The following TASP1 variants were observed in gnomAD, a reference collection of about 807,000 sequenced individuals.
The protein encoded by TASP1 is taspase 1, also known as threonine aspartase 1.
In TASP1, 16 loss-of-function variants were observed where a neutral mutation model predicts 56.6. That is an observed-to-expected ratio of 0.28 (90% CI 0.19 to 0.43). The LOEUF is 0.43. TASP1 is among the 20% of genes least tolerant of loss of function. The pLI, the probability that TASP1 is intolerant of heterozygous loss-of-function variation, is 1.00. For synonymous variants in TASP1, 179 were observed against 184.2 expected, an observed-to-expected ratio of 0.97 and a Z score of 0.23; for missense variants, 393 against 511.6, an observed-to-expected ratio of 0.77 and a Z score of 2.24.
chr20:13,622,615 T>C (rs566698313), intron 4 of TASP1, among the ~76,000 whole-genome samples: 2 of 152,272 alleles, frequency 1.3e-5, no homozygotes, highest in African/African-American at 4.8e-5. Flanking sequence ...AAAGGGTAAG[T>C]GCCTTGGTAT....
At chr20:13,591,088 G>C (rs1002003526) in intron 4 of TASP1, among the ~76,000 whole-genome samples, 1 of 151,282 alleles carries the variant, frequency 6.6e-6, no homozygotes, top group Non-Finnish European at 1.5e-5. Context: ...GGAAAAGAAA[G>C]AAAAAAACAG....
the TASP1 span, among the ~76,000 whole-genome samples, chr20:13,204,260 A>T: frequency 4.6e-5 from 7 of 152,162 alleles, no homozygotes; most frequent in African/African-American, 1.7e-4. Context: ...AGCCAATGAC[A>T]GAGACTCCTC....
the TASP1 span, among the ~76,000 whole-genome samples, chr20:13,296,321 C>T: frequency 6.6e-6 from 1 of 152,198 alleles, no homozygotes; most frequent in African/African-American, 2.4e-5. Context: ...AATCCAGGAC[C>T]AGTCCCCTGT....
At chr20:13,150,461 A>G in the TASP1 span, among the ~76,000 whole-genome samples, 38,147 of 152,120 alleles carry the variant, frequency 0.25, 5,093 homozygotes, top group South Asian at 0.44. Flanking sequence ...AATATGAACT[A>G]AGAAACCATA....
At chr20:13,426,525 G>A (rs1055928150) in intron 12 of TASP1, among the ~76,000 whole-genome samples, 2 of 152,034 alleles carry the variant, frequency 1.3e-5, no homozygotes, top group Non-Finnish European at 2.9e-5. Flanking sequence ...AATATTCAGA[G>A]TATATTAGTG....
chr20:13,196,432 T>C, the TASP1 span, among the ~76,000 whole-genome samples: 1 of 152,232 alleles, frequency 6.6e-6, no homozygotes, highest in African/African-American at 2.4e-5. Flanking sequence ...CTCAGGGCCT[T>C]TGTACCAGCT....
chr20:13,117,769 T>C, the TASP1 span: 2 of 1,540,318 alleles, frequency 1.3e-6, no homozygotes, highest in Non-Finnish European at 1.8e-6. Context: ...CTGAGCGCCC[T>C]GGGGATGCCG....
the TASP1 span, among the ~76,000 whole-genome samples, chr20:13,303,783 T>C: frequency 6.6e-6 from 1 of 152,174 alleles, no homozygotes; most frequent in African/African-American, 2.4e-5. Flanking sequence ...GTCCCTCCTC[T>C]TGGAGGGGAG....
downstream of TASP1, among the ~76,000 whole-genome samples, chr20:13,387,530 A>G (rs962006375): frequency 6.6e-6 from 1 of 152,050 alleles, no homozygotes; most frequent in African/African-American, 2.4e-5. Context: ...TCCATGGTGT[A>G]TATGTACCAC....
At chr20:13,117,944 A>G in the TASP1 span, among the ~76,000 whole-genome samples, 1 of 152,208 alleles carries the variant, frequency 6.6e-6, no homozygotes, top group African/African-American at 2.4e-5. Flanking sequence ...TGATCACACT[A>G]TAATGAAATG....
chr20:13,293,711 C>A, the TASP1 span, among the ~76,000 whole-genome samples: 2 of 152,274 alleles, frequency 1.3e-5, no homozygotes, highest in Admixed American at 1.3e-4. Context: ...CAGTGACTCA[C>A]ATCTGTAATC....
At chr20:13,630,687 C>CAAAAA (rs33973259) in intron 1 of TASP1, among the ~76,000 whole-genome samples, 2 of 65,554 alleles carry the variant, frequency 3.1e-5, no homozygotes, top group Non-Finnish European at 2.9e-5. Context: ...AGCTCTGTCT[C>CAAAAA]AAAAAAAAAA....
intron 10 of TASP1, among the ~76,000 whole-genome samples, chr20:13,528,219 CAAA>C (rs397942980): frequency 3.7e-5 from 2 of 54,316 alleles, no homozygotes; most frequent in African/African-American, 7.5e-5. Flanking sequence ...GACTCTGACT[CAAA>C]AAAAAAAAAA....
intron 10 of TASP1, among the ~76,000 whole-genome samples, chr20:13,518,089 A>T (rs897802807): frequency 2.0e-5 from 3 of 152,112 alleles, no homozygotes; most frequent in African/African-American, 7.2e-5. Context: ...TTCCCATGGC[A>T]TTATTCCTAA....
At chr20:13,522,457 T>G (rs1751865644) in intron 10 of TASP1, among the ~76,000 whole-genome samples, 1 of 152,064 alleles carries the variant, frequency 6.6e-6, no homozygotes. Context: ...AAACAAAGTT[T>G]GTTGGTGAAT....
chr20:13,504,879 A>C (rs959733988), intron 10 of TASP1, among the ~76,000 whole-genome samples: 13 of 152,158 alleles, frequency 8.5e-5, no homozygotes, highest in African/African-American at 3.1e-4. Flanking sequence ...CAAAGACAGC[A>C]AGAAAAGAAC....
At chr20:13,131,830 A>G in the TASP1 span, among the ~76,000 whole-genome samples, 1 of 152,028 alleles carries the variant, frequency 6.6e-6, no homozygotes, top group Non-Finnish European at 1.5e-5. Flanking sequence ...TCACTTCCCC[A>G]CTGAGAACTT....
intron 11 of TASP1, among the ~76,000 whole-genome samples, chr20:13,456,030 C>A (rs948801897): frequency 2.6e-5 from 4 of 152,124 alleles, no homozygotes; most frequent in African/African-American, 9.7e-5. Context: ...GGATCAAGAT[C>A]CTCAAGCACT....
At chr20:13,468,161 T>C (rs1452168400) in intron 11 of TASP1, among the ~76,000 whole-genome samples, 1 of 152,022 alleles carries the variant, frequency 6.6e-6, no homozygotes, top group African/African-American at 2.4e-5. Context: ...AGCCTGCTAC[T>C]TGATTTTAAG....
Sources: gnomAD v4.1 joint callset for allele counts (sites outside exome capture counted in the v4.1 genomes callset) on GRCh38, gnomAD v4.1.1 for gene constraint, MANE v1.5 for transcripts, NCBI Gene and HGNC (gene_info 2026-07-23, HGNC 2026-07-21) for gene names.